ASXL1: variants seen among roughly 807,000 people sequenced by gnomAD.
The protein encoded by ASXL1 is ASXL transcriptional regulator 1.
ASXL1 carries 65 observed loss-of-function variants against 89.1 expected under a neutral mutation model. The ratio of observed to expected loss-of-function variants is 0.73; its 90% confidence interval spans 0.60 to 0.90. The LOEUF (loss-of-function observed/expected upper bound fraction) is 0.90. ASXL1 is among the 40% of genes least tolerant of loss of function. The pLI is 0.00. For missense variants in ASXL1, 1,786 were observed against 1,942.9 expected, an observed-to-expected ratio of 0.92 and a Z score of 1.52; for synonymous variants, 739 against 746.9, an observed-to-expected ratio of 0.99 and a Z score of 0.17.
Position 32,433,855 on chromosome 20 carries a change from G to GA in ASXL1, c.1660dup (p.Ser554LysfsTer11). 1 of 1,613,962 alleles carries GA rather than the reference G, an allele frequency of 6.2e-7. No homozygotes were observed. The highest frequency in any genetic ancestry group is 8.5e-7 in the Non-Finnish European group (1 of 1,180,040). On this transcript the variant is annotated frameshift_variant, in exon 12 of 13. Transcript: ENST00000375687. LOFTEE classifies it high-confidence loss of function. ...TCGTCAGTCCTTTCGTAACACAATTGAAAGTGTTCACACCGAAAAGCCACA... is the reference window on the plus strand; with the variant it reads ...TCGTCAGTCCTTTCGTAACACAATTGAAAAGTGTTCACACCGAAAAGCCACA...
chr20:32,373,015 G>GAT (rs1195630614), intron 4 of ASXL1, among the ~76,000 whole-genome samples: 1 of 149,004 alleles, frequency 6.7e-6, no homozygotes. Context: ...GGACTCAAGC[G>GAT]ATCCACCCAC....
intron 8 of ASXL1, 50 bp from the exon 9 acceptor site, chr20:32,431,271 G>GT (rs1344245227): frequency 1.5e-5 from 25 of 1,613,208 alleles, no homozygotes; most frequent in Non-Finnish European, 2.1e-5. Flanking sequence ...GTTGGCATTT[G>GT]TTTTTTCTTT....
rs563212628 is a variant in ASXL1 at position 32,399,376 on chromosome 20, C to T, written c.253-28752C>T. On this transcript the variant is annotated intron_variant, in intron 4 of 12. Transcript: ENST00000375687. ...TTCCTTGCTGCTTTTATTATTTTCT[C>T]TTTATTACTGGTTTTGAGCATTAGA... Among the ~76,000 whole-genome samples the T allele has an allele frequency of 3.3e-5, 5 of 149,902 alleles. No individual in the cohort carries two copies. In the South Asian group the frequency reaches 1.1e-3, roughly 32 times the overall value.
At chr20:32,399,173 T>C (rs1478654799) in intron 4 of ASXL1, among the ~76,000 whole-genome samples, 2 of 151,654 alleles carry the variant, frequency 1.3e-5, no homozygotes, top group Non-Finnish European at 2.9e-5. Context: ...ATCATGCCAC[T>C]GCACTCTAGC....
chr20:32,431,364 A>G lies in ASXL1; in HGVS notation c.762A>G (p.Thr254=), dbSNP rs1470828231. ...RNRGEEIDFE[T]PGSILVNTNL... The stretch of plus-strand genomic sequence containing the variant: ...GAGGGGAAGAAATAGATTTTGAGAC[A>G]CCTGGGTCCATTCTTGTCAACACCA... Residue 254 remains threonine (T), a synonymous_variant, in exon 9 of 13, where the codon ACA becomes ACG. Transcript: ENST00000375687. The G allele has an allele frequency of 5.0e-6, 8 of 1,614,186 alleles. No individual in the cohort carries two copies. The African/African-American group carries it at 6.7e-5, about 13-fold the overall frequency.
intron 4 of ASXL1, among the ~76,000 whole-genome samples, chr20:32,379,216 C>G (rs1345856516): frequency 8.9e-6 from 1 of 111,758 alleles, no homozygotes; most frequent in African/African-American, 3.7e-5. Context: ...ACAGAGTCTC[C>G]TTCTGTCACC....
In ASXL1 at chr20:32,428,241, A is replaced by G; in HGVS notation, c.366A>G (p.Glu122=). 4 of 1,614,184 alleles carry G rather than the reference A, an allele frequency of 2.5e-6. No individual in the cohort carries two copies. Among genetic ancestry groups the G allele is most frequent in the Non-Finnish European group, 1.7e-6 (2 of 1,180,022 alleles). ...GSNEASTVSG[E]NDVSLDETSS... ...ATGAAGCCAGCACTGTGAGTGGTGA[A>G]AACGATGGTAAGGACCCTTTAATGG... The change falls in exon 5 of 13, where the codon GAA becomes GAG. Residue 122 remains glutamate, a synonymous_variant. Transcript: ENST00000375687.
chr20:32,435,078 G>GT lies in ASXL1; in HGVS notation c.2367dup (p.Glu790Ter), dbSNP rs1569331249. 1 of 1,614,086 alleles carries GT rather than the reference G, an allele frequency of 6.2e-7. No individual in the cohort carries two copies. The highest frequency in any genetic ancestry group is 8.5e-7 in the Non-Finnish European group (1 of 1,180,040). On this transcript the variant is annotated frameshift_variant, in exon 13 of 13. Transcript: ENST00000375687. LOFTEE classifies it low-confidence loss of function (END_TRUNC). Reference sequence around the variant, plus strand: ...TTGCATCCGGATGTTAGAACTGAATGTGAGTCTGGCACCACTTCCTGGGAA... The same window carrying GT: ...TTGCATCCGGATGTTAGAACTGAATGTTGAGTCTGGCACCACTTCCTGGGAA...
chr20:32,375,631 A>G (rs750200529), intron 4 of ASXL1, among the ~76,000 whole-genome samples: 1 of 152,060 alleles, frequency 6.6e-6, no homozygotes, highest in Non-Finnish European at 1.5e-5. Flanking sequence ...GATATTTTTG[A>G]ACAATCCAGA....
chr20:32,436,600 T>A lies in ASXL1; in HGVS notation c.3888T>A (p.Asn1296Lys), dbSNP rs753093028. 7 of 1,614,146 alleles carry A rather than the reference T, an allele frequency of 4.3e-6. No homozygotes were observed. The highest frequency in any genetic ancestry group is 5.1e-6 in the Non-Finnish European group (6 of 1,180,036). The part of the protein sequence containing the change: ...QTGRALGDQS[N>K]VTGQGKKLFG... The stretch of plus-strand genomic sequence containing the variant: ...GTCGGGCCCTGGGTGATCAGAGCAA[T>A]GTTACAGGCCAAGGGAAGAAGCTTT... The change falls in exon 13 of 13, where the codon AAT becomes AAA. Residue 1296 changes from asparagine (N) to lysine (K), a missense_variant. Physicochemically the swap from Asn to Lys is moderately conservative, Grantham distance 94. Coordinates refer to ENST00000375687, the MANE Select transcript of ASXL1 (RefSeq NM_015338.6).
At position 32,395,822 on chromosome 20, in the gene ASXL1, G is replaced by A. The variant is rs1485419236; in HGVS notation, c.252+26699G>A. Among the ~76,000 whole-genome samples the A allele has an allele frequency of 2.0e-5, 3 of 151,608 alleles. No individual in the cohort carries two copies. In the East Asian group the frequency reaches 5.8e-4, roughly 29 times the overall value. On this transcript the variant is annotated intron_variant, in intron 4 of 12. Coordinates refer to ENST00000375687, the MANE Select transcript of ASXL1 (RefSeq NM_015338.6). ...TCAGTTTTTTTCTTTTTTTTGAGACGGAGTCTCATTCTGTCACCCAGGCTG... is the reference window on the plus strand; with the variant it reads ...TCAGTTTTTTTCTTTTTTTTGAGACAGAGTCTCATTCTGTCACCCAGGCTG...
chr20:32,373,794 G>A (rs2048336987), intron 4 of ASXL1, among the ~76,000 whole-genome samples: 1 of 151,964 alleles, frequency 6.6e-6, no homozygotes, highest in South Asian at 2.1e-4. Flanking sequence ...CTTGAACCCG[G>A]GAGGCAGAGG....
chr20:32,374,851 T>C (rs994876518), intron 4 of ASXL1, among the ~76,000 whole-genome samples: 1 of 152,182 alleles, frequency 6.6e-6, no homozygotes, highest in Non-Finnish European at 1.5e-5. Context: ...TAAATACATA[T>C]ATATATATTT....
At chr20:32,378,669 C>G (rs1295833881) in intron 4 of ASXL1, among the ~76,000 whole-genome samples, 1 of 152,068 alleles carries the variant, frequency 6.6e-6, no homozygotes, top group Non-Finnish European at 1.5e-5. Context: ...GTCATAAGAT[C>G]ACTGTGAACT....
intron 4 of ASXL1, among the ~76,000 whole-genome samples, chr20:32,405,337 C>G (rs1231572627): frequency 6.6e-6 from 1 of 152,092 alleles, no homozygotes; most frequent in Non-Finnish European, 1.5e-5. Context: ...CTCAGCCTCC[C>G]AAAGTGTTGG....
chr20:32,412,101 G>C (rs149746751), intron 4 of ASXL1, among the ~76,000 whole-genome samples: 109 of 152,176 alleles, frequency 7.2e-4, no homozygotes, highest in Middle Eastern at 3.4e-3. Flanking sequence ...GCTTAGAATA[G>C]TATGCATGTA....
intron 4 of ASXL1, among the ~76,000 whole-genome samples, chr20:32,423,184 G>A (rs1024136215): frequency 6.6e-6 from 1 of 152,102 alleles, no homozygotes; most frequent in South Asian, 2.1e-4. Flanking sequence ...AGCACTTAGG[G>A]AGGCTGAGGT....
chr20:32,433,754 C>G lies in ASXL1; in HGVS notation c.1556C>G (p.Pro519Arg). 6.2e-7 allele frequency: 1 copy of G among 1,614,192 alleles called. No individual in the cohort carries two copies. ...SLPQETVDQE[P>R]KDQKRKSFEQ... ...CCTCAGGAAACTGTGGATCAGGAAC[C>G]CAAGGATCAGAAGAGGAAATCCTTT... is the stretch of plus-strand genomic sequence containing the variant. The change falls in exon 12 of 13, where the codon CCC (proline) becomes CGC (arginine). Residue 519 changes from proline to arginine, a missense_variant. Pro to Arg is a moderately radical substitution (Grantham distance 103). This residue lies in a region of ASXL1 where 1,418 missense variants were observed against 1,427.8 expected (regional missense o/e 0.99). Transcript: ENST00000375687.
Position 32,435,183 on chromosome 20 carries a change from A to G in ASXL1, c.2471A>G (p.Glu824Gly), listed in dbSNP as rs775181549. ...IPSLVGDDTLEKGTGQALDSH... is the reference protein window; with the variant it reads ...IPSLVGDDTLGKGTGQALDSH... ...TCTCTAGTGGGAGATGATACATTAG[A>G]GAAAGGAACTGGCCAAGCTCTTGAC... Residue 824 changes from glutamate to glycine, a missense_variant, in exon 13 of 13, where the codon GAG (glutamate) becomes GGG (glycine). Glu to Gly is a moderately conservative substitution (Grantham distance 98). Around this residue, in one of 3 missense-constraint regions of ASXL1, gnomAD observed 1,418 missense variants for 1,427.8 expected, o/e 0.99. Coordinates refer to ENST00000375687, the MANE Select transcript of ASXL1 (RefSeq NM_015338.6). The G allele has an allele frequency of 1.9e-6, 3 of 1,613,918 alleles. No individual in the cohort carries two copies. Among genetic ancestry groups the G allele is most frequent in the Non-Finnish European group, 2.5e-6 (3 of 1,180,018 alleles).
Sources: gnomAD v4.1 joint callset for allele counts (sites outside exome capture counted in the v4.1 genomes callset) on GRCh38, gnomAD v4.1.1 for gene constraint, gnomAD v4.1.1 regional missense constraint, MANE v1.5 for transcripts, NCBI Gene and HGNC (gene_info 2026-07-23, HGNC 2026-07-21) for gene names.